The following MGMT variants were observed in gnomAD, a reference collection of about 807,000 sequenced individuals.
MGMT encodes methylated-DNA--protein-cysteine methyltransferase.
In MGMT, 14 loss-of-function variants were observed where a neutral mutation model predicts 15.9. The ratio of observed to expected loss-of-function variants is 0.88; its 90% CI spans 0.58 to 1.37. The LOEUF is 1.37. Ranked by LOEUF, MGMT falls within the 40% of genes most tolerant of loss-of-function variation. MGMT has a pLI of 0.00. For synonymous variants in MGMT, 130 were observed against 118.2 expected, an observed-to-expected ratio of 1.10 and a Z score of -0.65; for missense variants, 282 against 268.1, an observed-to-expected ratio of 1.05 and a Z score of -0.36.
At chr10:129,615,249 G>T (rs975463274) in intron 2 of MGMT, among the ~76,000 whole-genome samples, 7 of 152,184 alleles carry the variant, frequency 4.6e-5, no homozygotes, top group African/African-American at 1.4e-4. Flanking sequence ...AGGGACTGTG[G>T]GTGAGGAAGA....
intron 2 of MGMT, among the ~76,000 whole-genome samples, chr10:129,582,560 A>G (rs1846569294): frequency 6.6e-6 from 1 of 152,172 alleles, no homozygotes. Context: ...AATTATTTCT[A>G]AAGTATAAAG....
rs377351619 is a variant in MGMT, at chr10:129,516,399, G to A, written c.-12-19842G>A. On this transcript the variant is annotated intron_variant, in intron 1 of 4. Coordinates refer to ENST00000651593, the MANE Select transcript of MGMT (RefSeq NM_002412.5). ...AGGAAGAGTTAGTGGGGCCGGGGGC[G>A]TGCTGATATCACAGTGGCGTGGGGT... 1.2e-4 allele frequency among the ~76,000 whole-genome samples: 18 copies of A among 152,306 alleles called. No individual in the cohort carries two copies. The East Asian group carries it at 1.9e-3, about 16-fold the overall frequency.
At chr10:129,747,721 C>G (rs1006920652) in intron 3 of MGMT, among the ~76,000 whole-genome samples, 1 of 152,116 alleles carries the variant, frequency 6.6e-6, no homozygotes, top group African/African-American at 2.4e-5. Context: ...TTAGTTTTTA[C>G]CTACTGCCCT....
In MGMT at chr10:129,566,981, A is replaced by G. The variant is rs907270049; in HGVS notation, c.125+30604A>G. Among the ~76,000 whole-genome samples the G allele has an allele frequency of 2.0e-5, 3 of 152,010 alleles. No individual in the cohort carries two copies. The highest frequency in any genetic ancestry group is 1.3e-4 in the Admixed American group (2 of 15,266). On this transcript the variant is annotated intron_variant, in intron 2 of 4. Transcript: ENST00000651593. The surrounding 1 kb of genome is among the most constrained non-coding windows in gnomAD (Gnocchi z 4.1). ...TGGCGGGTGACACGTAACTGTTACA[A>G]ATGGGTGCCTGTCCCTGTCACGTCA...
intron 4 of MGMT, among the ~76,000 whole-genome samples, chr10:129,759,784 G>T (rs1564787196): frequency 6.6e-6 from 1 of 152,000 alleles, no homozygotes; most frequent in Non-Finnish European, 1.5e-5. Flanking sequence ...GCCAAGCAAG[G>T]GTGCACATCC....
intron 2 of MGMT, among the ~76,000 whole-genome samples, chr10:129,626,751 C>CCTTA (rs1305641516): frequency 1.3e-5 from 2 of 152,222 alleles, no homozygotes; most frequent in Non-Finnish European, 2.9e-5. Flanking sequence ...TGGTGAAGCG[C>CCTTA]CTTACGTAAA....
At chr10:129,511,218 G>A (rs558956548) in intron 1 of MGMT, among the ~76,000 whole-genome samples, 3 of 150,184 alleles carry the variant, frequency 2.0e-5, no homozygotes, top group South Asian at 2.1e-4. Flanking sequence ...ATCAGATGCA[G>A]CCACGTGCTT....
At chr10:129,697,287 G>A (rs1467260325) in intron 2 of MGMT, among the ~76,000 whole-genome samples, 1 of 152,184 alleles carries the variant, frequency 6.6e-6, no homozygotes, top group African/African-American at 2.4e-5. Context: ...TAGAATATAT[G>A]CCATCAAGGG....
chr10:129,758,484 G>A (rs950899133), intron 3 of MGMT, among the ~76,000 whole-genome samples: 2 of 152,166 alleles, frequency 1.3e-5, no homozygotes, highest in East Asian at 3.9e-4. Flanking sequence ...ACCACTCCCA[G>A]GTAACAGTTC....
At chr10:129,704,046 C>G (rs555292783) in intron 2 of MGMT, among the ~76,000 whole-genome samples, 112 of 152,222 alleles carry the variant, frequency 7.4e-4, no homozygotes, top group African/African-American at 2.6e-3. Context: ...GCCGCCTTCC[C>G]CAGGGATCAG....
At chr10:129,607,703 A>G (rs761603140) in intron 2 of MGMT, among the ~76,000 whole-genome samples, 4 of 152,236 alleles carry the variant, frequency 2.6e-5, no homozygotes, top group African/African-American at 7.2e-5. Context: ...TCGCAGTGCC[A>G]GTTTCCCTTG....
intron 2 of MGMT, among the ~76,000 whole-genome samples, chr10:129,609,301 C>T (rs1228237432): frequency 6.6e-6 from 1 of 151,534 alleles, no homozygotes; most frequent in Non-Finnish European, 1.5e-5. Context: ...GATCTGGAGC[C>T]CCTGGAGGCT....
At chr10:129,609,415 C>G (rs1279612514) in intron 2 of MGMT, among the ~76,000 whole-genome samples, 1 of 151,714 alleles carries the variant, frequency 6.6e-6, no homozygotes, top group African/African-American at 2.4e-5. Context: ...TCTGGAGCCC[C>G]TGGAGGCTGG....
chr10:129,636,400 A>G (rs1330605333), intron 2 of MGMT, among the ~76,000 whole-genome samples: 1 of 152,248 alleles, frequency 6.6e-6, no homozygotes, highest in Non-Finnish European at 1.5e-5. Flanking sequence ...TCTCATTTGC[A>G]TCATTGAAAA....
At chr10:129,589,092 C>A (rs1328622502) in intron 2 of MGMT, among the ~76,000 whole-genome samples, 5 of 152,210 alleles carry the variant, frequency 3.3e-5, no homozygotes, top group Non-Finnish European at 5.9e-5. Context: ...ACTTTTGCTA[C>A]CCCCTACTCT....
intron 3 of MGMT, among the ~76,000 whole-genome samples, chr10:129,754,724 G>A (rs767384500): frequency 6.6e-6 from 1 of 152,236 alleles, no homozygotes; most frequent in Non-Finnish European, 1.5e-5. Flanking sequence ...ATTCCATGGC[G>A]AGGAAGCATG....
At chr10:129,623,652 C>A (rs543946492) in intron 2 of MGMT, among the ~76,000 whole-genome samples, 1 of 152,220 alleles carries the variant, frequency 6.6e-6, no homozygotes, top group South Asian at 2.1e-4. Context: ...CCTCAGCCTC[C>A]CAAGTAGCTG....
chr10:129,668,676 A>C (rs189622935), intron 2 of MGMT, among the ~76,000 whole-genome samples: 1 of 152,352 alleles, frequency 6.6e-6, no homozygotes, highest in East Asian at 1.9e-4. Context: ...TAATAGAGAA[A>C]GTACTTCATT....
intron 3 of MGMT, among the ~76,000 whole-genome samples, chr10:129,732,765 T>A (rs1429764130): frequency 6.8e-6 from 1 of 146,046 alleles, no homozygotes. Flanking sequence ...TGTCCATGTG[T>A]TCTCATTGTT....
Sources: allele counts gnomAD v4.1 joint callset (sites outside exome capture counted in the v4.1 genomes callset), GRCh38; gene constraint gnomAD v4.1.1; non-coding constraint Gnocchi (gnomAD v3.1); transcripts MANE v1.5; gene names NCBI Gene and HGNC (gene_info 2026-07-23, HGNC 2026-07-21).